The following DNAH12 variants were observed in gnomAD, a reference collection of about 807,000 sequenced individuals.
DNAH12 encodes the protein axonemal beta dynein heavy chain 12.
Under a neutral mutation model 371.5 loss-of-function variants are expected in DNAH12, and 285 were observed. The observed-to-expected ratio is 0.77, with a 90% CI of 0.70 to 0.85. The LOEUF (loss-of-function observed/expected upper bound fraction) is 0.85. DNAH12 is among the 40% of genes least tolerant of loss of function. DNAH12 has a pLI of 0.00. For missense variants in DNAH12, 3,611 were observed against 3,689.4 expected, an observed-to-expected ratio of 0.98 and a Z score of 0.55; for synonymous variants, 1,200 against 1,213.0, an observed-to-expected ratio of 0.99 and a Z score of 0.22.
At chr3:57,447,069 G>A (rs2065528283) in intron 25 of DNAH12, among the ~76,000 whole-genome samples, 1 of 152,164 alleles carries the variant, frequency 6.6e-6, no homozygotes, top group East Asian at 1.9e-4. Flanking sequence ...ACACCAGAAA[G>A]TGAGAGCTAT....
At chr3:57,294,288 T>G (rs1453639135) in intron 73 of DNAH12, among the ~76,000 whole-genome samples, 1 of 152,024 alleles carries the variant, frequency 6.6e-6, no homozygotes, top group Middle Eastern at 3.4e-3. Context: ...GCGATTCTCT[T>G]GTCTCAGCCT....
At chr3:57,513,335 G>C (rs2068067288) in intron 4 of DNAH12, among the ~76,000 whole-genome samples, 1 of 152,074 alleles carries the variant, frequency 6.6e-6, no homozygotes, top group Non-Finnish European at 1.5e-5. Context: ...CATGGACACA[G>C]GGAAGGGAGT....
chr3:57,373,401 C>T (rs1172884265), intron 55 of DNAH12, among the ~76,000 whole-genome samples: 1 of 151,970 alleles, frequency 6.6e-6, no homozygotes, highest in African/African-American at 2.4e-5. Flanking sequence ...CTGCAACCTC[C>T]ACCTCCCAGG....
At chr3:57,362,675 G>A (rs994947584) in intron 58 of DNAH12, among the ~76,000 whole-genome samples, 7 of 152,160 alleles carry the variant, frequency 4.6e-5, no homozygotes, top group Non-Finnish European at 2.9e-5. Context: ...CTTTTGAGTA[G>A]TGTCTGTTCA....
the DNAH12 span, among the ~76,000 whole-genome samples, chr3:57,555,312 T>C: frequency 7.9e-5 from 12 of 152,262 alleles, no homozygotes; most frequent in African/African-American, 2.6e-4. Flanking sequence ...TTATTCCTTA[T>C]CTGAAATTGA....
chr3:57,483,309 A>G lies in DNAH12; in HGVS notation c.1650+67T>C, dbSNP rs2066813400. ...ATTTGTGTAACTATATATTTTATAC[A>G]TCTTCACCATGAAAATAATATTTCA... On this transcript the variant is annotated intron_variant, in intron 13 of 73. Coordinates refer to ENST00000495027, the MANE Select transcript of DNAH12 (RefSeq NM_001366028.2). 3 of 1,508,770 alleles carry G rather than the reference A, an allele frequency of 2.0e-6. No homozygotes were observed. The South Asian group carries it at 3.8e-5, about 19-fold the overall frequency. The allele number at this position is 1,508,770 out of a possible 1,614,324, so 93.5% of individuals were successfully genotyped here.
At chr3:57,336,391 C>A (rs782435674) in intron 60 of DNAH12, among the ~76,000 whole-genome samples, 5 of 151,550 alleles carry the variant, frequency 3.3e-5, no homozygotes, top group Non-Finnish European at 5.9e-5. Context: ...AAAGTATGAA[C>A]ATAATAGAAG....
intron 10 of DNAH12, among the ~76,000 whole-genome samples, chr3:57,501,967 C>T (rs2067564806): frequency 6.6e-6 from 1 of 151,348 alleles, no homozygotes; most frequent in Non-Finnish European, 1.5e-5. Context: ...AGAGCAGTGG[C>T]GCGATCTCGG....
chr3:57,504,368 T>C (rs867624492), intron 8 of DNAH12, among the ~76,000 whole-genome samples, 164 bp from the exon 9 acceptor site: 22 of 151,884 alleles, frequency 1.4e-4, no homozygotes, highest in Admixed American at 4.6e-4. Context: ...ATACTATATA[T>C]ATGTGTGTAT....
At position 57,295,593 on chromosome 3, in the gene DNAH12, C is replaced by T. The variant is rs1178187390; in HGVS notation, c.11625-1G>A. On this transcript the variant is annotated splice_acceptor_variant, in intron 72 of 73. Coordinates refer to ENST00000495027, the MANE Select transcript of DNAH12 (RefSeq NM_001366028.2). LOFTEE classifies it high-confidence loss of function. Reference sequence around the variant, plus strand: ...GGGATATTGTTCAGCAAGCAATCCACTGTAACGAGAAATTGACAGAAATTA... The same window carrying T: ...GGGATATTGTTCAGCAAGCAATCCATTGTAACGAGAAATTGACAGAAATTA... The T allele has an allele frequency of 1.3e-6, 2 of 1,539,902 alleles. No homozygotes were observed. The highest frequency in any genetic ancestry group is 2.5e-5 in the East Asian group (1 of 40,684).
In DNAH12 at chr3:57,446,112, A is replaced by G; in HGVS notation, c.4098T>C (p.Leu1366=). ...CTACAAAACAATTCGGATTGAGCTT[A>G]AGTTCTGTCCCTTCAAAAACAAACA... is the stretch of plus-strand genomic sequence containing the variant. The part of the protein sequence containing the change: ...LVVFVFEGTE[L]KLNPNCFVAI... The change falls in exon 27 of 74, where the codon CTT becomes CTC. Residue 1366 remains leucine (L), a synonymous_variant. Transcript: ENST00000495027. 3.2e-6 allele frequency: 5 copies of G among 1,551,720 alleles called. No homozygotes were observed. Among genetic ancestry groups the G allele is most frequent in the Non-Finnish European group, 4.4e-6 (5 of 1,146,992 alleles).
chr3:57,451,858 G>A (rs1375074461), intron 25 of DNAH12, among the ~76,000 whole-genome samples: 2 of 152,136 alleles, frequency 1.3e-5, no homozygotes, highest in East Asian at 3.9e-4. Flanking sequence ...TGAAACTGGT[G>A]ATCAGCTGTT....
chr3:57,463,022 AT>A, intron 17 of DNAH12, 147 bp from the exon 18 acceptor site: 1 of 567,184 alleles, frequency 1.8e-6, no homozygotes. Context: ...CCTCAATTAG[AT>A]TTGGAAGGAG....
intron 11 of DNAH12, among the ~76,000 whole-genome samples, chr3:57,494,281 AG>A (rs992391247): frequency 3.7e-4 from 57 of 152,012 alleles, no homozygotes; most frequent in African/African-American, 1.4e-3. Context: ...GGCTGGGCCC[AG>A]TGTCTCATGC....
chr3:57,415,369 T>C, intron 38 of DNAH12, 57 bp downstream of exon 38: 1 of 1,524,032 alleles, frequency 6.6e-7, no homozygotes, highest in Non-Finnish European at 8.8e-7. Context: ...TTTTAAACAC[T>C]GAGCAAATAA....
chr3:57,393,414 T>G (rs898325165), intron 44 of DNAH12, among the ~76,000 whole-genome samples: 3 of 151,354 alleles, frequency 2.0e-5, no homozygotes, highest in African/African-American at 7.3e-5. Flanking sequence ...GATCACGAGA[T>G]CAGAAGATTG....
intron 60 of DNAH12, among the ~76,000 whole-genome samples, chr3:57,348,870 C>T (rs2062606144): frequency 6.6e-6 from 1 of 152,074 alleles, no homozygotes; most frequent in Admixed American, 6.6e-5. Flanking sequence ...TTGGACTTGA[C>T]CAGATGATGC....
At chr3:57,378,723 G>A (rs2063330221) in intron 52 of DNAH12, among the ~76,000 whole-genome samples, 1 of 152,172 alleles carries the variant, frequency 6.6e-6, no homozygotes, top group Admixed American at 6.5e-5. Context: ...CTATGTCAAG[G>A]CATGTTCTTG....
chr3:57,317,028 C>T (rs896994293), intron 65 of DNAH12, among the ~76,000 whole-genome samples: 4 of 152,112 alleles, frequency 2.6e-5, no homozygotes, highest in African/African-American at 9.7e-5. Context: ...GCAAATGATA[C>T]CTATATTAGA....
Sources: allele counts gnomAD v4.1 joint callset (sites outside exome capture counted in the v4.1 genomes callset), GRCh38; gene constraint gnomAD v4.1.1; transcripts MANE v1.5; gene names NCBI Gene and HGNC (gene_info 2026-07-23, HGNC 2026-07-21).